Variants in ENKUR observed in about 807,000 individuals in gnomAD.
ENKUR encodes enkurin, TRPC channel interacting protein, also known as enkurin.
Under a neutral mutation model 27.6 loss-of-function variants are expected in ENKUR, and 19 were observed. The ratio of observed to expected loss-of-function variants is 0.69; its 90% CI spans 0.48 to 1.01. ENKUR has a LOEUF of 1.01. Among genes scored for constraint, ENKUR ranks in the 50% least tolerant of loss-of-function variants. ENKUR has a pLI of 0.00. For synonymous variants in ENKUR, 117 were observed against 96.9 expected, an observed-to-expected ratio of 1.21 and a Z score of -1.22; for missense variants, 312 against 310.5, an observed-to-expected ratio of 1.00 and a Z score of -0.04.
chr10:25,031,841 C>CT (rs1408428479), intron 2 of ENKUR, among the ~76,000 whole-genome samples: 1 of 142,188 alleles, frequency 7.0e-6, no homozygotes, highest in East Asian at 2.0e-4. Context: ...TTTTTAAAGC[C>CT]TTTTTCTTTT....
upstream of ENKUR, among the ~76,000 whole-genome samples, chr10:25,020,829 T>C (rs574596157): frequency 1.3e-5 from 2 of 152,238 alleles, no homozygotes; most frequent in African/African-American, 4.8e-5. Flanking sequence ...AAGTTATGTA[T>C]TGCAAACTCA....
intron 2 of ENKUR, among the ~76,000 whole-genome samples, chr10:25,059,211 C>T: frequency 6.7e-6 from 1 of 149,314 alleles, no homozygotes; most frequent in Non-Finnish European, 1.5e-5. Context: ...CTGGTCACTG[C>T]AACCTCTGCC....
In ENKUR at chr10:25,038,488, A is replaced by T. The variant is rs945855838; in HGVS notation, c.37+22624T>A. On this transcript the variant is annotated intron_variant, in intron 2 of 5. Transcript: ENST00000615958. ...AAGCATCCTTCTTGTCTATACAGAC[A>T]TCTGTTTATAACTCTATAAAATTGA... 4.6e-5 allele frequency among the ~76,000 whole-genome samples: 7 copies of T among 152,346 alleles called. No homozygotes were observed. In the East Asian group the frequency reaches 1.3e-3, roughly 29 times the overall value.
chr10:24,999,126 T>C (rs1166651523), intron 2 of ENKUR, among the ~76,000 whole-genome samples: 1 of 152,200 alleles, frequency 6.6e-6, no homozygotes, highest in African/African-American at 2.4e-5. Flanking sequence ...TTGTTTATAA[T>C]TGAAGCCCCA....
At chr10:25,059,431 C>A (rs192875692) in intron 2 of ENKUR, among the ~76,000 whole-genome samples, 8 of 152,268 alleles carry the variant, frequency 5.3e-5, no homozygotes, top group African/African-American at 1.9e-4. Context: ...TGCACCCAGC[C>A]TTGTCCTAAT....
At position 25,016,075 on chromosome 10, in the gene ENKUR, T is replaced by TC; in HGVS notation, c.-140dup. 1.4e-6 allele frequency: 2 copies of TC among 1,396,424 alleles called. No individual in the cohort carries two copies. The highest frequency in any genetic ancestry group is 1.9e-6 in the Non-Finnish European group (2 of 1,071,054). 86.5% of individuals were successfully genotyped at this position (1,396,424 alleles called of 1,614,324 possible). A position where few individuals can be genotyped will look rare whatever the true frequency, so the allele number is the denominator to read the frequency against. On this transcript the variant is annotated 5_prime_UTR_variant, in exon 1 of 6. Coordinates refer to ENST00000331161, the MANE Select transcript of ENKUR (RefSeq NM_145010.4). ...ACCACAGGTTCTCTCCTTCACATCGTCCCCCTTTAACCCCCTCTTAGCAGT... is the reference window on the plus strand; with the variant it reads ...ACCACAGGTTCTCTCCTTCACATCGTCCCCCCTTTAACCCCCTCTTAGCAGT...
chr10:25,034,128 TC>T (rs1362182469), intron 2 of ENKUR, among the ~76,000 whole-genome samples: 2 of 152,112 alleles, frequency 1.3e-5, no homozygotes, highest in African/African-American at 4.8e-5. Flanking sequence ...TTCTGTGAAA[TC>T]AAAAATTTAC....
upstream of ENKUR, among the ~76,000 whole-genome samples, chr10:25,021,088 C>T (rs1436774499): frequency 6.6e-6 from 1 of 152,196 alleles, no homozygotes; most frequent in African/African-American, 2.4e-5. Context: ...ACGGTATTCT[C>T]TGAAGGTTTA....
intron 1 of ENKUR, among the ~76,000 whole-genome samples, chr10:25,001,403 T>G (rs1298185629): frequency 6.6e-6 from 1 of 152,104 alleles, no homozygotes; most frequent in Non-Finnish European, 1.5e-5. Context: ...CTGTGATTCT[T>G]GGATTTTTGG....
chr10:25,023,360 G>T (rs770344444), intron 2 of ENKUR: 9 of 1,614,006 alleles, frequency 5.6e-6, no homozygotes, highest in Non-Finnish European at 7.6e-6. Flanking sequence ...AGGAAGTCAT[G>T]GTATTCAACC....
rs563527744 is a variant in ENKUR at position 25,054,232 on chromosome 10, C to A, written c.37+6880G>T. Among the ~76,000 whole-genome samples, 3 of 152,178 alleles carry A rather than the reference C, an allele frequency of 2.0e-5. No individual in the cohort carries two copies. The East Asian group carries it at 5.8e-4, about 29-fold the overall frequency. On this transcript the variant is annotated intron_variant, in intron 2 of 5. Transcript: ENST00000615958. ...GGTCAGGAGTTTGAGACCAGCCTGG[C>A]CAACATGGTAAAACCCCATCTCTAC...
chr10:25,040,371 A>ATTTT (rs370808163), intron 2 of ENKUR, among the ~76,000 whole-genome samples: 1,433 of 133,790 alleles, frequency 0.011, 25 homozygotes, highest in Non-Finnish European at 0.016. Flanking sequence ...ATTAAATGGG[A>ATTTT]TTTTTTTTTT....
chr10:25,015,725 T>C, intron 1 of ENKUR, 135 bp downstream of exon 1: 1 of 774,168 alleles, frequency 1.3e-6, no homozygotes, highest in Non-Finnish European at 1.8e-6. Flanking sequence ...CTCTAACAAG[T>C]TATCCTCCAA....
At chr10:25,027,865 T>A (rs1850886543) in intron 2 of ENKUR, among the ~76,000 whole-genome samples, 1 of 151,876 alleles carries the variant, frequency 6.6e-6, no homozygotes, top group Non-Finnish European at 1.5e-5. Flanking sequence ...TAAATAAAAA[T>A]AAAAAAGACA....
chr10:25,019,483 C>T (rs1198221811), upstream of ENKUR, among the ~76,000 whole-genome samples: 2 of 152,078 alleles, frequency 1.3e-5, no homozygotes, highest in East Asian at 3.8e-4. Flanking sequence ...GAAAAACAAA[C>T]AAAAACACGA....
At chr10:25,005,233 A>G (rs1850285209) in intron 1 of ENKUR, among the ~76,000 whole-genome samples, 1 of 152,218 alleles carries the variant, frequency 6.6e-6, no homozygotes, top group Admixed American at 6.5e-5. Context: ...TATTAGAATT[A>G]TGAGATATGG....
chr10:25,039,937 T>TAAA (rs3050369), intron 2 of ENKUR, among the ~76,000 whole-genome samples: 1 of 137,270 alleles, frequency 7.3e-6, no homozygotes, highest in African/African-American at 2.7e-5. Context: ...CTTAAAGTAT[T>TAAA]AAAAAAAAAA....
intron 2 of ENKUR, 105 bp from the exon 3 acceptor site, chr10:24,995,974 T>C (rs1013927589): frequency 1.5e-5 from 13 of 859,904 alleles, no homozygotes; most frequent in Non-Finnish European, 2.2e-5. Context: ...GAAGTTGCAG[T>C]CATAATATAT....
At chr10:25,024,203 T>C (rs1028725916) in intron 2 of ENKUR, 3 of 1,614,172 alleles carry the variant, frequency 1.9e-6, no homozygotes, top group Non-Finnish European at 2.5e-6. Flanking sequence ...TGCTCAAAAA[T>C]TGCTCCTGTC....
Sources: allele counts gnomAD v4.1 joint callset (sites outside exome capture counted in the v4.1 genomes callset), GRCh38; gene constraint gnomAD v4.1.1; transcripts MANE v1.5; gene names NCBI Gene and HGNC (gene_info 2026-07-23, HGNC 2026-07-21).